PIK3CA: variants seen among roughly 807,000 people sequenced by gnomAD.
PIK3CA encodes the protein phosphatidylinositol 4,5-bisphosphate 3-kinase catalytic subunit alpha isoform.
PIK3CA carries 27 observed loss-of-function variants against 138.2 expected under a neutral mutation model. The observed-to-expected ratio is 0.20, with a 90% confidence interval of 0.14 to 0.27. The LOEUF is 0.27. Ranked by LOEUF, PIK3CA falls within the 10% of genes least tolerant of loss-of-function variation. The pLI, the probability that PIK3CA is intolerant of heterozygous loss-of-function variation, is 1.00. For synonymous variants in PIK3CA, 358 were observed against 413.2 expected (o/e 0.87, Z 1.62); for missense variants, 544 against 1,277.4 (o/e 0.43, Z 8.75).
intron 1 of PIK3CA, 85 bp from the exon 2 acceptor site, chr3:179,198,665 T>C: frequency 2.2e-6 from 1 of 454,632 alleles, no homozygotes; most frequent in Non-Finnish European, 3.9e-6. Flanking sequence ...CTATGGAAAA[T>C]GAGTTTTTAC....
At chr3:179,156,352 C>T (rs1243245707) in intron 1 of PIK3CA, among the ~76,000 whole-genome samples, 1 of 152,172 alleles carries the variant, frequency 6.6e-6, no homozygotes, top group Non-Finnish European at 1.5e-5. Context: ...ATCTACTGCA[C>T]ACCAGTTGCC....
intron 2 of PIK3CA, 75 bp downstream of exon 2, chr3:179,199,252 G>T (rs961579675): frequency 1.1e-6 from 1 of 948,972 alleles, no homozygotes; most frequent in South Asian, 1.9e-5. Flanking sequence ...AAATATTTCT[G>T]TCTAAACCAA....
In PIK3CA at chr3:179,239,837, C is replaced by T. The variant is rs545392880; in HGVS notation, c.*5473C>T. 2.2e-5 allele frequency: 11 copies of T among 494,350 alleles called. No homozygotes were observed. In the Middle Eastern group the frequency reaches 2.7e-3, roughly 120 times the overall value. The allele number at this position is 494,350 out of a possible 1,614,324, so 30.6% of individuals were successfully genotyped here. A position where few individuals can be genotyped will look rare whatever the true frequency, so the allele number is the denominator to read the frequency against. ...TATACTGCATTCATTAGAAGAAAAA[C>T]GTTTTTAATGTCCTTTTAATGATGG... On this transcript the variant is annotated 3_prime_UTR_variant, in exon 21 of 21. Transcript: ENST00000263967.
At chr3:179,226,438 G>T (rs1417530659) in intron 17 of PIK3CA, among the ~76,000 whole-genome samples, 1 of 152,106 alleles carries the variant, frequency 6.6e-6, no homozygotes, top group Non-Finnish European at 1.5e-5. Context: ...TATGCAACCA[G>T]CTATCTTAGA....
intron 14 of PIK3CA, among the ~76,000 whole-genome samples, chr3:179,223,280 G>A (rs1489394549): frequency 6.6e-6 from 1 of 152,024 alleles, no homozygotes; most frequent in Non-Finnish European, 1.5e-5. Flanking sequence ...ATAATTCCTA[G>A]CTCCTAACCA....
intron 4 of PIK3CA, among the ~76,000 whole-genome samples, chr3:179,202,705 C>A (rs963296698): frequency 6.6e-6 from 1 of 152,196 alleles, no homozygotes; most frequent in Admixed American, 6.5e-5. Context: ...TATATTTTAA[C>A]ATTTTTTGTA....
intron 6 of PIK3CA, among the ~76,000 whole-genome samples, chr3:179,206,012 C>A: frequency 6.6e-6 from 1 of 151,520 alleles, no homozygotes; most frequent in East Asian, 1.9e-4. Flanking sequence ...CCTCAGCCTA[C>A]CTAAACCACT....
chr3:179,187,859 G>T (rs368467208), intron 1 of PIK3CA, among the ~76,000 whole-genome samples: 1 of 151,926 alleles, frequency 6.6e-6, no homozygotes, highest in African/African-American at 2.4e-5. Flanking sequence ...GGCTGGTCTC[G>T]ATCTCCTGAC....
chr3:179,190,747 T>A (rs1462384703), intron 1 of PIK3CA, among the ~76,000 whole-genome samples: 2 of 152,108 alleles, frequency 1.3e-5, no homozygotes, highest in Non-Finnish European at 2.9e-5. Context: ...AGTAGACAGA[T>A]TAACAGGAGA....
At chr3:179,162,300 G>A (rs144003623) in intron 1 of PIK3CA, among the ~76,000 whole-genome samples, 20 of 152,110 alleles carry the variant, frequency 1.3e-4, no homozygotes, top group Non-Finnish European at 2.2e-4. Context: ...ATTTCTACTT[G>A]TAGAAATTAT....
At chr3:179,207,694 A>G (rs1724601939) in intron 6 of PIK3CA, among the ~76,000 whole-genome samples, 1 of 151,828 alleles carries the variant, frequency 6.6e-6, no homozygotes, top group Admixed American at 6.6e-5. Flanking sequence ...TAATCTTGGC[A>G]TTTTTAGTAG....
chr3:179,229,576 T>C, intron 18 of PIK3CA, 134 bp downstream of exon 18: 1 of 564,598 alleles, frequency 1.8e-6, no homozygotes, highest in Non-Finnish European at 3.0e-6. Context: ...TGCTCAACCT[T>C]TGAAATATTT....
intron 9 of PIK3CA, among the ~76,000 whole-genome samples, chr3:179,212,046 T>G (rs1022334584): frequency 2.0e-5 from 3 of 152,092 alleles, no homozygotes; most frequent in African/African-American, 7.2e-5. Context: ...TTGCTCTTGT[T>G]GCTCAGGCTA....
intron 1 of PIK3CA, among the ~76,000 whole-genome samples, chr3:179,192,167 T>A (rs994552722): frequency 1.8e-4 from 28 of 152,180 alleles, no homozygotes; most frequent in African/African-American, 6.8e-4. Flanking sequence ...TTGAGATGAA[T>A]ATTAGCAAAA....
At chr3:179,225,633 A>C (rs1480315998) in intron 16 of PIK3CA, among the ~76,000 whole-genome samples, 2 of 152,180 alleles carry the variant, frequency 1.3e-5, no homozygotes, top group Non-Finnish European at 2.9e-5. Context: ...TCAGAATATT[A>C]AGAGCCATTT....
chr3:179,188,682 G>T (rs1302281651), intron 1 of PIK3CA, among the ~76,000 whole-genome samples: 1 of 152,002 alleles, frequency 6.6e-6, no homozygotes, highest in Non-Finnish European at 1.5e-5. Flanking sequence ...AGGAAAGAAA[G>T]AAATAAAATA....
At chr3:179,154,573 G>C (rs543214017) in intron 1 of PIK3CA, among the ~76,000 whole-genome samples, 2 of 150,610 alleles carry the variant, frequency 1.3e-5, no homozygotes, top group Non-Finnish European at 2.9e-5. Flanking sequence ...CCTTCGGACT[G>C]CTACTTTGTA....
intron 17 of PIK3CA, among the ~76,000 whole-genome samples, chr3:179,226,300 AAGG>A (rs1286931590): frequency 6.6e-6 from 1 of 152,172 alleles, no homozygotes; most frequent in East Asian, 1.9e-4. Flanking sequence ...GAACAAGACA[AAGG>A]AGACACAAAA....
chr3:179,229,298 T>C lies in PIK3CA; in HGVS notation c.2522T>C (p.Ile841Thr). Residue 841 changes from isoleucine to threonine, a missense_variant, in exon 18 of 21, where the codon ATC becomes ACC. Coordinates refer to ENST00000263967, the MANE Select transcript of PIK3CA (RefSeq NM_006218.4). The part of the protein sequence containing the change: ...LRMLPYGCLS[I>T]GDCVGLIEVV... ...ATGTTACCTTATGGTTGTCTGTCAA[T>C]CGGTGACTGTGTGGGACTTATTGAG... is the stretch of plus-strand genomic sequence containing the variant. The C allele has an allele frequency of 6.2e-7, 1 of 1,612,748 alleles. No individual in the cohort carries two copies. Among genetic ancestry groups the C allele is most frequent in the Admixed American group, 1.7e-5 (1 of 59,778 alleles).
Sources: gnomAD v4.1 joint callset for allele counts (sites outside exome capture counted in the v4.1 genomes callset) on GRCh38, gnomAD v4.1.1 for gene constraint, MANE v1.5 for transcripts, NCBI Gene and HGNC (gene_info 2026-07-23, HGNC 2026-07-21) for gene names.